Variants in MAP4 observed in about 807,000 individuals in gnomAD.
MAP4 encodes the protein microtubule associated protein 4, also known as microtubule-associated protein 4.
A neutral mutation model predicts 170.2 loss-of-function variants in MAP4; 76 were observed. The observed-to-expected ratio is 0.45, with a 90% CI of 0.37 to 0.54. The LOEUF is 0.54. MAP4 is among the 20% of genes least tolerant of loss of function. The pLI is 0.00. For synonymous variants in MAP4, 909 were observed against 994.5 expected (o/e 0.91, Z 1.62); for missense variants, 2,506 against 2,748.0 (o/e 0.91, Z 1.97).
rs367654430 is a variant in MAP4 at position 48,009,899 on chromosome 3, A to G, written c.-20+6435T>C. ...TGATTCCATTAAACTGGAAGTTAAG[A>G]TTGTCACCTGGACACTTTGGGCTCC... On this transcript the variant is annotated intron_variant, in intron 1 of 20. Transcript: ENST00000683076. 7.4e-4 allele frequency among the ~76,000 whole-genome samples: 113 copies of G among 152,266 alleles called. 1 individual carries two copies. Among genetic ancestry groups the G allele is most frequent in the African/African-American group, 2.6e-3 (109 of 41,550 alleles).
At chr3:47,964,829 T>G (rs2100073868) in intron 3 of MAP4, among the ~76,000 whole-genome samples, 1 of 152,248 alleles carries the variant, frequency 6.6e-6, no homozygotes, top group East Asian at 1.9e-4. Flanking sequence ...TTTGAAATTT[T>G]TTTCCCTTTA....
intron 3 of MAP4, among the ~76,000 whole-genome samples, chr3:47,965,418 G>T (rs927401594): frequency 6.6e-6 from 1 of 152,196 alleles, no homozygotes; most frequent in Non-Finnish European, 1.5e-5. Flanking sequence ...CATATATCCA[G>T]AAGTTGGGTT....
chr3:47,980,039 C>T (rs1483933725), intron 2 of MAP4, among the ~76,000 whole-genome samples: 1 of 151,842 alleles, frequency 6.6e-6, no homozygotes, highest in Non-Finnish European at 1.5e-5. Context: ...CCCTATGTTT[C>T]CCAGACTGCT....
At chr3:47,980,651 T>TA (rs1320701104) in intron 2 of MAP4, among the ~76,000 whole-genome samples, 5 of 152,154 alleles carry the variant, frequency 3.3e-5, no homozygotes, top group Non-Finnish European at 7.4e-5. Context: ...AGAATTCTAT[T>TA]AAATAGCCGC....
At chr3:48,009,090 TTTGTTG>T (rs371280122) in intron 1 of MAP4, among the ~76,000 whole-genome samples, 18 of 151,778 alleles carry the variant, frequency 1.2e-4, no homozygotes, top group East Asian at 3.9e-4. Flanking sequence ...GTTTTTTTGG[TTTGTTG>T]TTGTTGTTGT....
intron 3 of MAP4, among the ~76,000 whole-genome samples, chr3:47,966,911 T>C (rs931157368): frequency 2.6e-5 from 4 of 152,370 alleles, no homozygotes; most frequent in Admixed American, 6.5e-5. Flanking sequence ...AATCAACAAA[T>C]GAGACTTCCA....
chr3:47,918,993 G>C (rs550251600), intron 5 of MAP4, 152 bp from the exon 6 acceptor site: 1 of 548,966 alleles, frequency 1.8e-6, no homozygotes, highest in Non-Finnish European at 3.1e-6. Flanking sequence ...GTGAAGTGGC[G>C]TGATCTCGGC....
intron 8 of MAP4, among the ~76,000 whole-genome samples, chr3:47,912,688 G>C (rs1460138512): frequency 1.3e-5 from 2 of 152,130 alleles, no homozygotes; most frequent in Non-Finnish European, 2.9e-5. Context: ...TGAAATTTCA[G>C]AAGTAGCAGG....
chr3:47,874,592 C>T lies in MAP4; in HGVS notation c.5757+1093G>A, dbSNP rs377096248. ...CTCTCCTTCCTACTCTCCTCTGTCA[C>T]CCCCCAGAAGCCGCTGCTGAATAAG... On this transcript the variant is annotated intron_variant, in intron 12 of 20. Coordinates refer to ENST00000683076, the MANE Select transcript of MAP4 (RefSeq NM_001385682.1). Among the ~76,000 whole-genome samples, 7 of 152,266 alleles carry T rather than the reference C, an allele frequency of 4.6e-5. No homozygotes were observed. The East Asian group carries it at 7.7e-4, about 17-fold the overall frequency.
At chr3:47,889,913 CAAAAAATGTTTTTTATCTCCATAAAAAAA>C in intron 10 of MAP4, among the ~76,000 whole-genome samples, 1 of 148,046 alleles carries the variant, frequency 6.8e-6, no homozygotes, top group African/African-American at 2.5e-5. Context: ...CCATAAAAAA[CAAAAAATGTTTTTTATCTCCATAAAAAAA>C]AAAAACCCAA....
intron 4 of MAP4, among the ~76,000 whole-genome samples, chr3:47,926,521 ATCTG>A (rs756674083): frequency 1.3e-5 from 2 of 151,672 alleles, no homozygotes; most frequent in Non-Finnish European, 2.9e-5. Context: ...TACTCTACCT[ATCTG>A]TCTGTCTGTC....
At chr3:47,918,148 A>G (rs1447396930) in intron 6 of MAP4, among the ~76,000 whole-genome samples, 1 of 151,960 alleles carries the variant, frequency 6.6e-6, no homozygotes, top group African/African-American at 2.4e-5. Context: ...ACGCCCAGCT[A>G]ATTTTTTGTA....
intron 1 of MAP4, among the ~76,000 whole-genome samples, chr3:48,013,303 T>G (rs1210620295): frequency 6.8e-6 from 1 of 147,968 alleles, no homozygotes; most frequent in Non-Finnish European, 1.5e-5. Flanking sequence ...GCATTTACTC[T>G]AAAAAAAAAA....
intron 1 of MAP4, among the ~76,000 whole-genome samples, chr3:48,086,667 A>T (rs912695891): frequency 6.6e-6 from 1 of 152,186 alleles, no homozygotes; most frequent in Non-Finnish European, 1.5e-5. Context: ...ATTTAAATTT[A>T]AAAAATACCC....
intron 5 of MAP4, among the ~76,000 whole-genome samples, chr3:47,921,062 A>G (rs1156650511): frequency 6.6e-6 from 1 of 152,074 alleles, no homozygotes; most frequent in East Asian, 1.9e-4. Context: ...AGGTGGGAGG[A>G]TCACCTGACC....
chr3:48,082,466 GAAC>G (rs1251529554), intron 1 of MAP4, among the ~76,000 whole-genome samples: 3 of 152,190 alleles, frequency 2.0e-5, no homozygotes, highest in African/African-American at 7.2e-5. Flanking sequence ...TTAAAAAGCA[GAAC>G]AACAGTCACT....
chr3:47,871,290 T>C lies in MAP4; in HGVS notation c.5942-4A>G, dbSNP rs745410382. ...GGTTTTCCCTCAGTCTTAATGGCTG[T>C]ACAAAATATACTTATTAATATAACA... On this transcript the variant is annotated splice_region_variant and splice_polypyrimidine_tract_variant and intron_variant, in intron 13 of 20. Transcript: ENST00000683076. 4 of 1,608,054 alleles carry C rather than the reference T, an allele frequency of 2.5e-6. No individual in the cohort carries two copies. Among genetic ancestry groups the C allele is most frequent in the Middle Eastern group, 1.6e-4 (1 of 6,078 alleles).
intron 3 of MAP4, among the ~76,000 whole-genome samples, chr3:47,963,311 T>TTTA (rs2100072817): frequency 6.6e-6 from 1 of 152,224 alleles, no homozygotes; most frequent in Non-Finnish European, 1.5e-5. Context: ...CATTCTAATA[T>TTTA]CATCTTACAT....
chr3:48,045,284 T>C (rs2100123875), intron 1 of MAP4, among the ~76,000 whole-genome samples: 1 of 148,014 alleles, frequency 6.8e-6, no homozygotes, highest in South Asian at 2.1e-4. Context: ...AAAAATTTCA[T>C]TGAAACATTA....
Sources: gnomAD v4.1 joint callset for allele counts (sites outside exome capture counted in the v4.1 genomes callset) on GRCh38, gnomAD v4.1.1 for gene constraint, MANE v1.5 for transcripts, NCBI Gene and HGNC (gene_info 2026-07-23, HGNC 2026-07-21) for gene names.